CREB5: variants seen among roughly 807,000 people sequenced by gnomAD.
CREB5 encodes the protein cyclic AMP-responsive element-binding protein 5.
Under a neutral mutation model 57.1 loss-of-function variants are expected in CREB5, and 19 were observed. The ratio of observed to expected loss-of-function variants is 0.33; its 90% CI spans 0.23 to 0.49. CREB5 has a LOEUF of 0.49. CREB5 is among the 20% of genes least tolerant of loss of function. The pLI, the probability that CREB5 is intolerant of heterozygous loss-of-function variation, is 0.99. For missense variants in CREB5, 579 were observed against 671.6 expected (o/e 0.86, Z 1.52); for synonymous variants, 238 against 238.3 (o/e 1.00, Z 0.01).
chr7:28,793,672 G>A (rs1373180215), intron 7 of CREB5, among the ~76,000 whole-genome samples: 1 of 152,240 alleles, frequency 6.6e-6, no homozygotes, highest in East Asian at 1.9e-4. Context: ...AAGGGCTTGG[G>A]GGAGGATCTG....
chr7:28,786,635 G>C (rs147077894), intron 7 of CREB5, among the ~76,000 whole-genome samples: 127 of 152,290 alleles, frequency 8.3e-4, no homozygotes, highest in African/African-American at 3.0e-3. Flanking sequence ...GGGGATGGGA[G>C]GCAAGTCCTC....
intron 1 of CREB5, among the ~76,000 whole-genome samples, chr7:28,381,493 C>T (rs1473891044): frequency 1.3e-5 from 2 of 152,194 alleles, no homozygotes; most frequent in African/African-American, 2.4e-5. Flanking sequence ...TTTGATTTCT[C>T]ATAGGGTTGG....
chr7:28,507,888 C>T, intron 4 of CREB5, 151 bp downstream of exon 4: 1 of 1,000,878 alleles, frequency 1.0e-6, no homozygotes, highest in Non-Finnish European at 1.3e-6. Flanking sequence ...TAAAAGATTA[C>T]TCCTTGATTA....
At chr7:28,304,042 T>C (rs1785144572) in intron 1 of CREB5, among the ~76,000 whole-genome samples, 1 of 152,202 alleles carries the variant, frequency 6.6e-6, no homozygotes. Flanking sequence ...ATAATGTGGC[T>C]CAAATGTATA....
At chr7:28,797,024 C>T (rs1808086222) in intron 7 of CREB5, among the ~76,000 whole-genome samples, 1 of 152,206 alleles carries the variant, frequency 6.6e-6, no homozygotes, top group African/African-American at 2.4e-5. Flanking sequence ...TATAAATGTG[C>T]ATTCATTAAT....
chr7:28,669,646 T>C (rs1254228012), intron 5 of CREB5, among the ~76,000 whole-genome samples: 2 of 152,236 alleles, frequency 1.3e-5, no homozygotes, highest in African/African-American at 4.8e-5. Context: ...TGTGGGACTC[T>C]ATCTTCAACA....
In CREB5 at chr7:28,375,805, CAAT is replaced by C. The variant is rs1047628249; in HGVS notation, c.-25+76367_-25+76369del. 7.8e-4 allele frequency among the ~76,000 whole-genome samples: 118 copies of C among 150,812 alleles called. 1 individual carries two copies. Among genetic ancestry groups the C allele is most frequent in the Admixed American group, 3.3e-4 (5 of 15,146 alleles). ...CCTAGACCAGGGATTTTTCAACTGACAATAAGAAAAGAGACAATGTTTAATCTG... is the reference window on the plus strand; with the variant it reads ...CCTAGACCAGGGATTTTTCAACTGACAAGAAAAGAGACAATGTTTAATCTG... On this transcript the variant is annotated intron_variant, in intron 1 of 9. Transcript: ENST00000396299.
chr7:28,670,307 C>G lies in CREB5; in HGVS notation c.465-48446C>G, dbSNP rs971883017. Among the ~76,000 whole-genome samples, 11 of 152,324 alleles carry G rather than the reference C, an allele frequency of 7.2e-5. No individual in the cohort carries two copies. The East Asian group carries it at 1.9e-3, about 27-fold the overall frequency. ...GTGAAGGTGGTTTCTCTTTCTCTCT[C>G]AAAATATCTCATTGTACCGTACTCA... On this transcript the variant is annotated intron_variant, in intron 5 of 10. Coordinates refer to ENST00000357727, the MANE Select transcript of CREB5 (RefSeq NM_182898.4).
chr7:28,319,001 C>T (rs539992832), intron 1 of CREB5, among the ~76,000 whole-genome samples: 1 of 152,294 alleles, frequency 6.6e-6, no homozygotes, highest in African/African-American at 2.4e-5. Flanking sequence ...CTAAAGGAAG[C>T]CCGCTTATCT....
intron 5 of CREB5, among the ~76,000 whole-genome samples, chr7:28,689,474 A>T (rs1423899654): frequency 6.6e-6 from 1 of 152,160 alleles, no homozygotes; most frequent in Non-Finnish European, 1.5e-5. Context: ...TCTTAATAAT[A>T]ATAATAATAA....
chr7:28,325,366 A>C (rs183218671), intron 1 of CREB5, among the ~76,000 whole-genome samples: 5 of 152,098 alleles, frequency 3.3e-5, no homozygotes, highest in African/African-American at 1.2e-4. Context: ...GAGGCAGGAG[A>C]ATGGCGTGAA....
intron 8 of CREB5, among the ~76,000 whole-genome samples, chr7:28,808,098 A>G (rs1808856573): frequency 1.3e-5 from 2 of 152,174 alleles, no homozygotes; most frequent in Non-Finnish European, 2.9e-5. Flanking sequence ...AACTCTCACT[A>G]TCTCACACAC....
Position 28,794,743 on chromosome 7 carries a change from C to CACACACACACACACACACAT in CREB5, c.703-9442_703-9441insACACATACACACACACACAC, listed in dbSNP as rs1185575420. On this transcript the variant is annotated intron_variant, in intron 7 of 10. Coordinates refer to ENST00000357727, the MANE Select transcript of CREB5 (RefSeq NM_182898.4). Reference sequence around the variant, plus strand: ...TTCCCTACATGTGCATACCTGCACACACACACACACACACTCTGTCACCAC... The same window carrying CACACACACACACACACACAT: ...TTCCCTACATGTGCATACCTGCACACACACACACACACACACACATACACACACACACACTCTGTCACCAC... 3.1e-3 allele frequency among the ~76,000 whole-genome samples: 465 copies of CACACACACACACACACACAT among 152,242 alleles called. 5 individuals are homozygous for CACACACACACACACACACAT. Among genetic ancestry groups the CACACACACACACACACACAT allele is most frequent in the African/African-American group, 9.8e-3 (407 of 41,528 alleles).
intron 1 of CREB5, among the ~76,000 whole-genome samples, chr7:28,467,245 A>G (rs1198659536): frequency 6.6e-6 from 1 of 152,210 alleles, no homozygotes; most frequent in South Asian, 2.1e-4. Flanking sequence ...CTGGAAGGGC[A>G]GAGGAAGAAT....
At chr7:28,375,363 G>A (rs1204007183) in intron 1 of CREB5, among the ~76,000 whole-genome samples, 3 of 152,124 alleles carry the variant, frequency 2.0e-5, no homozygotes, top group African/African-American at 7.2e-5. Context: ...CCAGAGGCCG[G>A]GAGTGGTAGT....
chr7:28,770,990 A>G (rs1562629501), intron 7 of CREB5, among the ~76,000 whole-genome samples: 1 of 151,880 alleles, frequency 6.6e-6, no homozygotes, highest in Non-Finnish European at 1.5e-5. Context: ...TAATCATGTC[A>G]CAAAATATAT....
chr7:28,540,838 T>A (rs10270311), intron 4 of CREB5, among the ~76,000 whole-genome samples: 1 of 152,064 alleles, frequency 6.6e-6, no homozygotes, highest in Non-Finnish European at 1.5e-5. Flanking sequence ...CCCTGTTACC[T>A]CCTTCTGCCA....
intron 7 of CREB5, among the ~76,000 whole-genome samples, chr7:28,737,824 G>A (rs1319291349): frequency 6.6e-6 from 1 of 151,698 alleles, no homozygotes; most frequent in African/African-American, 2.4e-5. Context: ...GACTTGGATA[G>A]AAAAACTCAT....
intron 1 of CREB5, among the ~76,000 whole-genome samples, chr7:28,485,023 C>T (rs1041427860): frequency 1.3e-5 from 2 of 152,192 alleles, no homozygotes; most frequent in African/African-American, 4.8e-5. Context: ...ATGTTGATAT[C>T]GGACAGAATT....
Sources: gnomAD v4.1 joint callset for allele counts (sites outside exome capture counted in the v4.1 genomes callset) on GRCh38, gnomAD v4.1.1 for gene constraint, MANE v1.5 for transcripts, NCBI Gene and HGNC (gene_info 2026-07-23, HGNC 2026-07-21) for gene names.